USP3: variants seen among roughly 807,000 people sequenced by gnomAD.
USP3 encodes the protein ubiquitin carboxyl-terminal hydrolase 3.
Under a neutral mutation model 72.3 loss-of-function variants are expected in USP3, and 20 were observed. That is an observed-to-expected ratio of 0.28 (90% confidence interval 0.19 to 0.40). The LOEUF (loss-of-function observed/expected upper bound fraction) is 0.40. Ranked by LOEUF, USP3 falls within the 10% of genes least tolerant of loss-of-function variation. The pLI, the probability that USP3 is intolerant of heterozygous loss-of-function variation, is 1.00. For synonymous variants in USP3, 222 were observed against 225.3 expected, an observed-to-expected ratio of 0.99 and a Z score of 0.13; for missense variants, 479 against 633.9, an observed-to-expected ratio of 0.76 and a Z score of 2.62.
intron 11 of USP3, among the ~76,000 whole-genome samples, chr15:63,581,345 TTGTGTGTGTGTGTGTGTG>T (rs59188081): frequency 0.028 from 3,629 of 130,014 alleles, 67 homozygotes; most frequent in African/African-American, 0.053. Flanking sequence ...GTGTTGGTTT[TTGTGTGTGTGTGTGTGTG>T]TGTGTGTGTG....
In USP3 at chr15:63,584,851, T is replaced by C. The variant is rs554585849; in HGVS notation, c.1097-3454T>C. Reference sequence around the variant, plus strand: ...ATTGCCAAATCTAATGTCATGAAGCTTTTCCCCTACATTTTCTTCTAAGAG... The same window carrying C: ...ATTGCCAAATCTAATGTCATGAAGCCTTTCCCCTACATTTTCTTCTAAGAG... On this transcript the variant is annotated intron_variant, in intron 11 of 14. Coordinates refer to ENST00000380324, the MANE Select transcript of USP3 (RefSeq NM_006537.4). 5.9e-5 allele frequency among the ~76,000 whole-genome samples: 9 copies of C among 152,336 alleles called. No individual in the cohort carries two copies. In the East Asian group the frequency reaches 1.7e-3, roughly 29 times the overall value.
At chr15:63,552,544 T>A (rs1026756985) in intron 3 of USP3, among the ~76,000 whole-genome samples, 2 of 152,312 alleles carry the variant, frequency 1.3e-5, no homozygotes, top group East Asian at 3.9e-4. Context: ...GGAGAATATG[T>A]TAGAGAAATC....
In USP3 at chr15:63,522,425, C is replaced by T. The variant is rs541817476; in HGVS notation, c.92-10222C>T. 2.7e-4 allele frequency among the ~76,000 whole-genome samples: 41 copies of T among 152,314 alleles called. No individual in the cohort carries two copies. In the South Asian group the frequency reaches 5.0e-3, roughly 18 times the overall value. The stretch of plus-strand genomic sequence containing the variant: ...CTTCAGTTAATGTGCATGTGTCATA[C>T]AGATATTTTCTATGCGTGCCCTGAC... On this transcript the variant is annotated intron_variant, in intron 1 of 14. Transcript: ENST00000380324.
At chr15:63,542,197 A>T (rs1311365374) in intron 3 of USP3, 2 of 985,008 alleles carry the variant, frequency 2.0e-6, no homozygotes, top group East Asian at 2.3e-4. Flanking sequence ...AAAGAGGTAG[A>T]GATTTTTCTC....
At position 63,570,797 on chromosome 15, in the gene USP3, A is replaced by C. The variant is rs1261979581; in HGVS notation, c.908+218A>C. Among the ~76,000 whole-genome samples, 2 of 152,216 alleles carry C rather than the reference A, an allele frequency of 1.3e-5. No individual in the cohort carries two copies. Among genetic ancestry groups the C allele is most frequent in the African/African-American group, 4.8e-5 (2 of 41,444 alleles). On this transcript the variant is annotated intron_variant, in intron 9 of 14. Transcript: ENST00000380324. The surrounding 1 kb of genome is among the most constrained non-coding windows in gnomAD (Gnocchi z 4.4). Reference sequence around the variant, plus strand: ...GCATCCTGATTTAGTTCTGACTGTGATTAATTGGTATAGATTATTTTAAAT... The same window carrying C: ...GCATCCTGATTTAGTTCTGACTGTGCTTAATTGGTATAGATTATTTTAAAT...
intron 1 of USP3, among the ~76,000 whole-genome samples, chr15:63,514,382 G>A (rs2152649148): frequency 6.6e-6 from 1 of 152,256 alleles, no homozygotes; most frequent in Non-Finnish European, 1.5e-5. Context: ...AACTGAAATA[G>A]TTAATGGTTT....
At position 63,590,917 on chromosome 15, in the gene USP3, C is replaced by T; in HGVS notation, c.*91C>T. 2 of 1,408,676 alleles carry T rather than the reference C, an allele frequency of 1.4e-6. No homozygotes were observed. The highest frequency in any genetic ancestry group is 1.9e-6 in the Non-Finnish European group (2 of 1,066,058). 87.3% of individuals were successfully genotyped at this position (1,408,676 alleles called of 1,614,324 possible). A position where few individuals can be genotyped will look rare whatever the true frequency, so the allele number is the denominator to read the frequency against. ...TGATACAAGATTTAATTTCATTATGCACTTTTCAATTTCCTATTTTGGATT... is the reference window on the plus strand; with the variant it reads ...TGATACAAGATTTAATTTCATTATGTACTTTTCAATTTCCTATTTTGGATT... On this transcript the variant is annotated 3_prime_UTR_variant, in exon 15 of 15. Coordinates refer to ENST00000380324, the MANE Select transcript of USP3 (RefSeq NM_006537.4).
At chr15:63,581,772 G>C (rs2066968426) in intron 11 of USP3, among the ~76,000 whole-genome samples, 2 of 151,812 alleles carry the variant, frequency 1.3e-5, no homozygotes, top group Admixed American at 1.3e-4. Context: ...ATGGCTCACT[G>C]CAGCTTCAAC....
intron 5 of USP3, among the ~76,000 whole-genome samples, chr15:63,557,251 ATTTTGT>A (rs1336432332): frequency 8.8e-5 from 13 of 147,554 alleles, no homozygotes; most frequent in Middle Eastern, 3.5e-3. Context: ...TTGTACTTTT[ATTTTGT>A]TTTTGTTTTT....
intron 1 of USP3, among the ~76,000 whole-genome samples, chr15:63,526,858 T>C (rs185660079): frequency 6.6e-6 from 1 of 152,290 alleles, no homozygotes; most frequent in East Asian, 1.9e-4. Flanking sequence ...GATGATGATA[T>C]GATTGTTTCA....
In USP3 at chr15:63,544,044, T is replaced by TA. The variant is rs201842716; in HGVS notation, c.284+6903dup. ...GGGCAACACAGGGAGACACTGTCTT[T>TA]AAAAAAAAAAAAAAAGGAAATTAGT... On this transcript the variant is annotated intron_variant, in intron 3 of 14. Transcript: ENST00000380324. The surrounding 1 kb of genome is among the most constrained non-coding windows in gnomAD (Gnocchi z 4.2). Among the ~76,000 whole-genome samples, 3,122 of 134,082 alleles carry TA rather than the reference T, an allele frequency of 0.023. 66 individuals are homozygous for TA. The highest frequency in any genetic ancestry group is 0.062 in the African/African-American group (2,259 of 36,642). 88.0% of individuals were successfully genotyped at this position (134,082 alleles called of 152,430 possible). A position where few individuals can be genotyped will look rare whatever the true frequency, so the allele number is the denominator to read the frequency against.
chr15:63,568,856 C>T (rs900980651), intron 8 of USP3, among the ~76,000 whole-genome samples: 12 of 152,026 alleles, frequency 7.9e-5, no homozygotes, highest in African/African-American at 2.4e-4. Context: ...CTGAGTGTTC[C>T]GTGATCTCAT....
intron 9 of USP3, among the ~76,000 whole-genome samples, chr15:63,573,112 TG>T (rs2152678681): frequency 6.6e-6 from 1 of 152,322 alleles, no homozygotes; most frequent in South Asian, 2.1e-4. Flanking sequence ...TGACACACAG[TG>T]GGGCTGTCAG....
At chr15:63,514,409 C>T (rs554991913) in intron 1 of USP3, among the ~76,000 whole-genome samples, 17 of 152,194 alleles carry the variant, frequency 1.1e-4, no homozygotes, top group African/African-American at 3.9e-4. Context: ...TTGCAGGTGC[C>T]TGTTTTCTGA....
intron 9 of USP3, among the ~76,000 whole-genome samples, chr15:63,572,583 G>C (rs752952891): frequency 7.9e-5 from 12 of 152,166 alleles, no homozygotes; most frequent in Admixed American, 4.6e-4. Context: ...AAGGAAGGAA[G>C]CCTTTTCCTA....
At chr15:63,516,150 T>C (rs1281205237) in intron 1 of USP3, among the ~76,000 whole-genome samples, 4 of 152,228 alleles carry the variant, frequency 2.6e-5, no homozygotes, top group Non-Finnish European at 5.9e-5. Context: ...TTTTAAAAAT[T>C]GCTTAGTTTA....
rs549808203 is a variant in USP3, at chr15:63,578,626, A to G, written c.1096+4223A>G. On this transcript the variant is annotated intron_variant, in intron 11 of 14. Transcript: ENST00000380324. ...GACTCCGTCTCAGAAAAAAAAAAAA[A>G]AAGAAGAAAAAAAAAAGAAATGTTA... Among the ~76,000 whole-genome samples the G allele has an allele frequency of 8.6e-4, 131 of 151,772 alleles. 2 individuals carry two copies. In the South Asian group the frequency reaches 0.024, roughly 28 times the overall value.
intron 3 of USP3, among the ~76,000 whole-genome samples, chr15:63,549,698 T>C (rs542017609): frequency 2.1e-3 from 316 of 152,342 alleles, no homozygotes; most frequent in African/African-American, 7.3e-3. Context: ...AATAAGCTTT[T>C]TCTCTCCTTG....
rs185352874 is a variant in USP3 at position 63,587,993 on chromosome 15, C to A, written c.1097-312C>A. 5.0e-4 allele frequency: 100 copies of A among 200,280 alleles called. 2 individuals carry two copies. Among genetic ancestry groups the A allele is most frequent in the Non-Finnish European group, 6.1e-5 (6 of 98,902 alleles). The allele number at this position is 200,280 out of a possible 1,614,324, so 12.4% of individuals were successfully genotyped here. The stretch of plus-strand genomic sequence containing the variant: ...TATTGACAGAAAACTACAATTGAAA[C>A]TTTAAATTCATCAGGAAACCATTTT... On this transcript the variant is annotated intron_variant, in intron 11 of 14. Transcript: ENST00000380324.
Sources: gnomAD v4.1 joint callset for allele counts (sites outside exome capture counted in the v4.1 genomes callset) on GRCh38, gnomAD v4.1.1 for gene constraint, Gnocchi (gnomAD v3.1) non-coding constraint, MANE v1.5 for transcripts, NCBI Gene and HGNC (gene_info 2026-07-23, HGNC 2026-07-21) for gene names.